Variants in PTPRD observed in about 807,000 individuals in gnomAD.
PTPRD encodes receptor-type tyrosine-protein phosphatase delta.
Under a neutral mutation model 214.5 loss-of-function variants are expected in PTPRD, and 34 were observed. That is an observed-to-expected ratio of 0.16 (90% CI 0.12 to 0.21). The LOEUF (loss-of-function observed/expected upper bound fraction) is 0.21. PTPRD is among the 10% of genes least tolerant of loss of function. The pLI, the probability that PTPRD is intolerant of heterozygous loss-of-function variation, is 1.00. For missense variants in PTPRD, 2,545 were observed against 2,398.7 expected (o/e 1.06, Z -1.27); for synonymous variants, 1,128 against 845.7 (o/e 1.33, Z -5.79).
At chr9:10,261,489 A>C (rs1017265682) in intron 3 of PTPRD, among the ~76,000 whole-genome samples, 1 of 152,104 alleles carries the variant, frequency 6.6e-6, no homozygotes, top group Non-Finnish European at 1.5e-5. Context: ...AAAACAATAT[A>C]AATGCTCAGT....
rs781067774 is a variant in PTPRD at position 8,465,638 on chromosome 9, C to G, written c.3542G>C (p.Arg1181Pro). 7 of 1,612,142 alleles carry G rather than the reference C, an allele frequency of 4.3e-6. No homozygotes were observed. Among genetic ancestry groups the G allele is most frequent in the Non-Finnish European group, 5.9e-6 (7 of 1,178,788 alleles). Residue 1181 changes from arginine (R) to proline (P), a missense_variant, in exon 32 of 46, where the codon CGT (arginine) becomes CCT (proline). Transcript: ENST00000381196. ...KEISRKRRSI[R>P]YGREVELKPY... ...CTTTAATTCAACTTCTCTCCCATAA[C>G]GGATGCTTCTGCGCTTCCTAGATAT...
intron 3 of PTPRD, among the ~76,000 whole-genome samples, chr9:10,306,371 T>C (rs1438026084): frequency 6.6e-6 from 1 of 152,038 alleles, no homozygotes; most frequent in Non-Finnish European, 1.5e-5. Context: ...TGTGTATACC[T>C]ATGTAACAAA....
chr9:9,846,419 C>A (rs1302771364), intron 5 of PTPRD, among the ~76,000 whole-genome samples: 1 of 152,122 alleles, frequency 6.6e-6, no homozygotes, highest in Non-Finnish European at 1.5e-5. Flanking sequence ...ACTCTCGAGA[C>A]TTTATCTTTA....
chr9:9,768,316 G>C (rs961171512), intron 5 of PTPRD, among the ~76,000 whole-genome samples: 4 of 152,048 alleles, frequency 2.6e-5, no homozygotes, highest in Non-Finnish European at 5.9e-5. Flanking sequence ...CAGTTTTTGG[G>C]ACATAGTGAC....
intron 10 of PTPRD, among the ~76,000 whole-genome samples, chr9:9,098,359 T>G (rs1267021170): frequency 6.6e-6 from 1 of 152,158 alleles, no homozygotes; most frequent in African/African-American, 2.4e-5. Context: ...TGGGTTCAAG[T>G]GATTCTCCTG....
At position 10,272,014 on chromosome 9, in the gene PTPRD, T is replaced by C. The variant is rs563863486; in HGVS notation, c.-545+68949A>G. ...TCCATTTAAAATATGAATTTTGTTA[T>C]ATTCACAGAGTTTTGAAATTATAGA... is the stretch of plus-strand genomic sequence containing the variant. On this transcript the variant is annotated intron_variant, in intron 3 of 45. Coordinates refer to ENST00000381196, the MANE Select transcript of PTPRD (RefSeq NM_002839.4). Among the ~76,000 whole-genome samples the C allele has an allele frequency of 1.1e-4, 16 of 152,348 alleles. No individual in the cohort carries two copies. The East Asian group carries it at 1.5e-3, about 15-fold the overall frequency.
At chr9:9,848,178 G>C (rs899380335) in intron 5 of PTPRD, among the ~76,000 whole-genome samples, 5 of 152,058 alleles carry the variant, frequency 3.3e-5, no homozygotes, top group African/African-American at 1.2e-4. Flanking sequence ...CTGACCTCAT[G>C]AATTAACCCA....
At chr9:9,685,680 T>C (rs1049448648) in intron 7 of PTPRD, among the ~76,000 whole-genome samples, 18 of 151,146 alleles carry the variant, frequency 1.2e-4, no homozygotes, top group South Asian at 4.1e-4. Context: ...AATTGGCTGC[T>C]CTTAAGTAAT....
At chr9:9,852,127 A>G (rs1455617262) in intron 5 of PTPRD, among the ~76,000 whole-genome samples, 2 of 152,146 alleles carry the variant, frequency 1.3e-5, no homozygotes, top group African/African-American at 4.8e-5. Flanking sequence ...TCGGAAAGAG[A>G]TAAGAAAAAT....
chr9:10,110,829 T>G (rs2098684800), intron 3 of PTPRD, among the ~76,000 whole-genome samples: 1 of 152,242 alleles, frequency 6.6e-6, no homozygotes, highest in African/African-American at 2.4e-5. Context: ...AGGTAGAATT[T>G]ATTATGAGAC....
At chr9:9,947,337 T>TCTATATAAA (rs2092723315) in intron 4 of PTPRD, among the ~76,000 whole-genome samples, 1 of 61,186 alleles carries the variant, frequency 1.6e-5, no homozygotes, top group Non-Finnish European at 2.6e-5. Context: ...ATATATGTAT[T>TCTATATAAA]ATATATATAA....
intron 11 of PTPRD, among the ~76,000 whole-genome samples, chr9:8,997,024 A>G (rs1342009255): frequency 3.9e-5 from 6 of 152,268 alleles, no homozygotes; most frequent in Non-Finnish European, 8.8e-5. Flanking sequence ...GGTTTAAACA[A>G]TCTAAAAGAA....
chr9:8,884,127 G>T (rs567879046), intron 11 of PTPRD, among the ~76,000 whole-genome samples: 3 of 152,204 alleles, frequency 2.0e-5, no homozygotes. Context: ...GTCATTTAAT[G>T]TCATGCTGCA....
chr9:10,012,832 T>C (rs988287647), intron 4 of PTPRD, among the ~76,000 whole-genome samples: 1 of 151,956 alleles, frequency 6.6e-6, no homozygotes, highest in Non-Finnish European at 1.5e-5. Context: ...TTGGGATAGC[T>C]GCTTAGAAGG....
intron 8 of PTPRD, among the ~76,000 whole-genome samples, chr9:9,424,019 T>C (rs544917838): frequency 2.0e-5 from 3 of 152,278 alleles, no homozygotes; most frequent in South Asian, 2.1e-4. Context: ...CTTGGCCAAA[T>C]CCTACTCTAG....
At chr9:10,491,254 TTA>T (rs2040125785) in intron 2 of PTPRD, among the ~76,000 whole-genome samples, 1 of 152,172 alleles carries the variant, frequency 6.6e-6, no homozygotes, top group Non-Finnish European at 1.5e-5. Flanking sequence ...TAATCACATA[TTA>T]TTAGCTTATA....
At chr9:10,556,586 T>A (rs7018615) in intron 2 of PTPRD, among the ~76,000 whole-genome samples, 53,608 of 151,876 alleles carry the variant, frequency 0.35, 10,192 homozygotes, top group African/African-American at 0.49. Flanking sequence ...ACTTTTCCTG[T>A]TTTTAATCCC....
chr9:9,547,130 T>G (rs2154278581), intron 8 of PTPRD, among the ~76,000 whole-genome samples: 1 of 152,074 alleles, frequency 6.6e-6, no homozygotes, highest in Non-Finnish European at 1.5e-5. Flanking sequence ...CATACCAAAC[T>G]TACACAAAAA....
At chr9:9,044,969 A>G (rs1331051453) in intron 10 of PTPRD, among the ~76,000 whole-genome samples, 2 of 152,200 alleles carry the variant, frequency 1.3e-5, no homozygotes, top group South Asian at 2.1e-4. Flanking sequence ...ATAAAACAGA[A>G]TCAAGATAAT....
Sources: allele counts gnomAD v4.1 joint callset (sites outside exome capture counted in the v4.1 genomes callset), GRCh38; gene constraint gnomAD v4.1.1; transcripts MANE v1.5; gene names NCBI Gene and HGNC (gene_info 2026-07-23, HGNC 2026-07-21).